ZBTB16: variants seen among roughly 807,000 people sequenced by gnomAD.
ZBTB16 encodes the protein zinc finger and BTB domain containing 16.
A neutral mutation model predicts 56.8 loss-of-function variants in ZBTB16; 8 were observed. The observed-to-expected ratio is 0.14, with a 90% CI of 0.08 to 0.25. The LOEUF is 0.25. Among genes scored for constraint, ZBTB16 ranks in the 10% least tolerant of loss-of-function variants. The pLI is 1.00. For synonymous variants in ZBTB16, 363 were observed against 368.5 expected (o/e 0.98, Z 0.17); for missense variants, 625 against 903.0 (o/e 0.69, Z 3.95).
intron 2 of ZBTB16, among the ~76,000 whole-genome samples, chr11:114,097,461 A>G (rs1392433915): frequency 6.6e-6 from 1 of 152,236 alleles, no homozygotes; most frequent in Non-Finnish European, 1.5e-5. Context: ...GGTAAATTTT[A>G]GTTACATAGT....
intron 3 of ZBTB16, among the ~76,000 whole-genome samples, chr11:114,167,944 G>C (rs1394408355): frequency 6.6e-6 from 1 of 152,108 alleles, no homozygotes; most frequent in Non-Finnish European, 1.5e-5. Context: ...AAAGTCAGCC[G>C]ACTCAGCCCT....
intron 4 of ZBTB16, among the ~76,000 whole-genome samples, chr11:114,227,174 C>T (rs751644387): frequency 3.3e-5 from 5 of 152,170 alleles, no homozygotes; most frequent in Admixed American, 2.0e-4. Context: ...GCCGGAGCAG[C>T]GCTGTCCCTG....
In ZBTB16 at chr11:114,064,651, A is replaced by G; in HGVS notation, c.1268+83A>G. ...TTCACACCCTGGCTGCTCCCAAGTT[A>G]GGGGCCTGGCTCCCCTGTCTTGGCA... is the stretch of plus-strand genomic sequence containing the variant. On this transcript the variant is annotated intron_variant, in intron 2 of 6. Coordinates refer to ENST00000335953, the MANE Select transcript of ZBTB16 (RefSeq NM_006006.6). This position sits in a 1 kb window ranked among gnomAD's most constrained non-coding sequence, Gnocchi z 4.2. The G allele has an allele frequency of 6.5e-7, 1 of 1,541,212 alleles. No homozygotes were observed. The highest frequency in any genetic ancestry group is 8.8e-7 in the Non-Finnish European group (1 of 1,135,300).
chr11:114,138,880 G>A (rs1224430035), intron 2 of ZBTB16, among the ~76,000 whole-genome samples: 2 of 151,642 alleles, frequency 1.3e-5, no homozygotes, highest in Non-Finnish European at 2.9e-5. Flanking sequence ...TAGTAGAGAT[G>A]GGGTTTCACC....
At chr11:114,149,602 A>C (rs979685035) in intron 2 of ZBTB16, among the ~76,000 whole-genome samples, 1 of 152,204 alleles carries the variant, frequency 6.6e-6, no homozygotes, top group Non-Finnish European at 1.5e-5. Flanking sequence ...TTAAAAAATA[A>C]ATTGTGTTGT....
chr11:114,228,191 T>A (rs951141981), intron 4 of ZBTB16, among the ~76,000 whole-genome samples: 1 of 152,248 alleles, frequency 6.6e-6, no homozygotes, highest in Non-Finnish European at 1.5e-5. Context: ...AAATATTTTT[T>A]AAAAACCATT....
At chr11:114,091,823 C>G (rs1033529253) in intron 2 of ZBTB16, among the ~76,000 whole-genome samples, 5 of 152,066 alleles carry the variant, frequency 3.3e-5, no homozygotes, top group Non-Finnish European at 7.4e-5. Flanking sequence ...AACCAAATGG[C>G]CTCCCCTCCC....
rs532213554 is a variant in ZBTB16 at position 114,248,433 on chromosome 11, G to T, written c.1792+1068G>T. Among the ~76,000 whole-genome samples the T allele has an allele frequency of 4.6e-5, 7 of 152,322 alleles. No homozygotes were observed. In the South Asian group the frequency reaches 1.4e-3, roughly 32 times the overall value. ...ATTCACATCATAGCAATCAGCAGAT[G>T]CTACAAACCAGGGCTTTTTGGAAAG... On this transcript the variant is annotated intron_variant, in intron 6 of 6. Transcript: ENST00000335953.
At chr11:114,134,057 G>A (rs1941736957) in intron 2 of ZBTB16, among the ~76,000 whole-genome samples, 1 of 152,208 alleles carries the variant, frequency 6.6e-6, no homozygotes, top group Non-Finnish European at 1.5e-5. Flanking sequence ...ACAGCTGGTT[G>A]TGTCTCAACA....
At chr11:114,232,411 G>T (rs1486920376) in intron 4 of ZBTB16, among the ~76,000 whole-genome samples, 2 of 152,106 alleles carry the variant, frequency 1.3e-5, no homozygotes, top group African/African-American at 4.8e-5. Flanking sequence ...TAGAGAAACC[G>T]AGGAAAACAG....
At chr11:114,188,153 AG>A in intron 4 of ZBTB16, 1 of 152,492 alleles carries the variant, frequency 6.6e-6, no homozygotes, top group East Asian at 1.9e-4. Context: ...GTATGTGAAA[AG>A]GTTGTCTTCC....
At chr11:114,139,258 C>A (rs1252592071) in intron 2 of ZBTB16, among the ~76,000 whole-genome samples, 1 of 152,182 alleles carries the variant, frequency 6.6e-6, no homozygotes. Context: ...TTCCCATTGC[C>A]AATTGCTCAC....
At chr11:114,079,630 G>C (rs1195010463) in intron 2 of ZBTB16, among the ~76,000 whole-genome samples, 2 of 152,202 alleles carry the variant, frequency 1.3e-5, no homozygotes, top group East Asian at 3.8e-4. Flanking sequence ...TTGCCTTTTG[G>C]GAGGGTAGAT....
At chr11:114,079,023 A>G (rs1425461595) in intron 2 of ZBTB16, among the ~76,000 whole-genome samples, 2 of 151,266 alleles carry the variant, frequency 1.3e-5, no homozygotes, top group Non-Finnish European at 2.9e-5. Context: ...CTGAGGCAGG[A>G]AAATTGCTTG....
chr11:114,071,837 C>T (rs775633620), intron 2 of ZBTB16, among the ~76,000 whole-genome samples: 6 of 152,320 alleles, frequency 3.9e-5, no homozygotes, highest in South Asian at 2.1e-4. Context: ...CCCACCCCCA[C>T]GTTTTACAGA....
intron 2 of ZBTB16, among the ~76,000 whole-genome samples, chr11:114,100,440 A>G (rs1940566828): frequency 6.6e-6 from 1 of 152,132 alleles, no homozygotes; most frequent in African/African-American, 2.4e-5. Flanking sequence ...ACCACCCTCT[A>G]TGCCCCCTAC....
At chr11:114,192,504 AGATTATTGTCATCAGTAT>A (rs1206001132) in intron 4 of ZBTB16, among the ~76,000 whole-genome samples, 1 of 152,182 alleles carries the variant, frequency 6.6e-6, no homozygotes, top group African/African-American at 2.4e-5. Flanking sequence ...GCTGCTGTTA[AGATTATTGTCATCAGTAT>A]TTCAGCGTTC....
chr11:114,207,590 A>AACACACACACACACACACAC (rs66489516), intron 4 of ZBTB16, among the ~76,000 whole-genome samples: 13 of 143,722 alleles, frequency 9.0e-5, no homozygotes, highest in African/African-American at 1.3e-4. Flanking sequence ...ACACACACAC[A>AACACACACACACACACACAC]ACACACACAC....
chr11:114,205,418 A>G (rs141343769), intron 4 of ZBTB16, among the ~76,000 whole-genome samples: 23,444 of 152,060 alleles, frequency 0.15, 2,138 homozygotes, highest in South Asian at 0.24. Context: ...TCAAAAAAAA[A>G]AAAAAAAAAT....
Sources: allele counts gnomAD v4.1 joint callset (sites outside exome capture counted in the v4.1 genomes callset), GRCh38; gene constraint gnomAD v4.1.1; non-coding constraint Gnocchi (gnomAD v3.1); transcripts MANE v1.5; gene names NCBI Gene and HGNC (gene_info 2026-07-23, HGNC 2026-07-21).